Variants in ME3 observed in about 807,000 individuals in gnomAD.
ME3 encodes malic enzyme 3.
Under a neutral mutation model 68.9 loss-of-function variants are expected in ME3, and 48 were observed. That is an observed-to-expected ratio of 0.70 (90% CI 0.55 to 0.89). ME3 has a LOEUF of 0.89. ME3 is among the 40% of genes least tolerant of loss of function. ME3 has a pLI of 0.00. For missense variants in ME3, 675 were observed against 797.4 expected, an observed-to-expected ratio of 0.85 and a Z score of 1.85; for synonymous variants, 320 against 318.8, an observed-to-expected ratio of 1.00 and a Z score of -0.04.
intron 4 of ME3, among the ~76,000 whole-genome samples, chr11:86,536,059 A>G (rs183280488): frequency 1.3e-5 from 2 of 152,290 alleles, no homozygotes; most frequent in African/African-American, 2.4e-5. Context: ...AGATTCAGCT[A>G]TATCTCTATT....
intron 2 of ME3, among the ~76,000 whole-genome samples, chr11:86,614,426 A>G (rs561313164): frequency 6.6e-6 from 1 of 152,328 alleles, no homozygotes; most frequent in South Asian, 2.1e-4. Context: ...CAAAATACAC[A>G]GGATGGATTT....
chr11:86,449,892 G>A, exon 10 of ME3: 1 of 1,611,664 alleles, frequency 6.2e-7, no homozygotes, highest in Non-Finnish European at 8.5e-7. Flanking sequence ...ACAGTACCTT[G>A]ACAATGAGCC....
At chr11:86,521,373 C>T (rs548729055) in intron 4 of ME3, among the ~76,000 whole-genome samples, 98 of 148,792 alleles carry the variant, frequency 6.6e-4, no homozygotes, top group African/African-American at 2.4e-3. Context: ...CCAGCCTGGG[C>T]GACAGAGCGA....
intron 2 of ME3, among the ~76,000 whole-genome samples, chr11:86,586,375 G>A (rs1003492971): frequency 4.6e-5 from 7 of 152,210 alleles, no homozygotes; most frequent in Admixed American, 4.6e-4. Context: ...AGCTGACCCG[G>A]CAGCATCTCT....
chr11:86,513,650 A>G (rs1953692614), intron 4 of ME3, among the ~76,000 whole-genome samples: 2 of 152,130 alleles, frequency 1.3e-5, no homozygotes, highest in Admixed American at 1.3e-4. Flanking sequence ...GGGGTCCCTA[A>G]TAGTTTTCTT....
downstream of ME3, among the ~76,000 whole-genome samples, chr11:86,437,732 T>C (rs1206584830): frequency 6.6e-6 from 1 of 152,196 alleles, no homozygotes; most frequent in Non-Finnish European, 1.5e-5. Context: ...AATGAAATTG[T>C]TTTCTTAATT....
downstream of ME3, chr11:86,436,678 G>A (rs1431156170): frequency 6.6e-6 from 1 of 151,974 alleles, no homozygotes; most frequent in East Asian, 1.9e-4. Context: ...ATTTTTGTTT[G>A]GTTTGAGATG....
intron 4 of ME3, among the ~76,000 whole-genome samples, chr11:86,544,370 G>GT (rs1046970920): frequency 1.3e-5 from 2 of 152,128 alleles, no homozygotes; most frequent in African/African-American, 4.8e-5. Context: ...CCAGGAGCTG[G>GT]TTTTTTGAAA....
intron 4 of ME3, among the ~76,000 whole-genome samples, chr11:86,509,911 A>T (rs1470269249): frequency 6.6e-6 from 1 of 152,142 alleles, no homozygotes. Flanking sequence ...ATAAAAGAGA[A>T]TCCAGAGTCC....
At chr11:86,655,777 A>G (rs1945823899) in intron 2 of ME3, among the ~76,000 whole-genome samples, 1 of 151,578 alleles carries the variant, frequency 6.6e-6, no homozygotes, top group African/African-American at 2.4e-5. Context: ...GAGCTTCTGC[A>G]CAGCAAAAGA....
chr11:86,464,616 T>C (rs1036261979), intron 8 of ME3, among the ~76,000 whole-genome samples: 7 of 152,230 alleles, frequency 4.6e-5, no homozygotes, highest in East Asian at 1.9e-4. Context: ...AAGCAAGTTA[T>C]TATGGCTGGG....
At chr11:86,518,903 G>GA (rs1954073334) in intron 4 of ME3, among the ~76,000 whole-genome samples, 2 of 152,204 alleles carry the variant, frequency 1.3e-5, no homozygotes, top group African/African-American at 4.8e-5. Flanking sequence ...GATGCATCCA[G>GA]AGGCAAGGAA....
chr11:86,593,421 T>G (rs1473731399), intron 2 of ME3, among the ~76,000 whole-genome samples: 1 of 146,672 alleles, frequency 6.8e-6, no homozygotes, highest in African/African-American at 2.5e-5. Context: ...CCTACTTGGG[T>G]TGCATGTTTA....
At chr11:86,583,391 C>T (rs1958552169) in intron 2 of ME3, among the ~76,000 whole-genome samples, 1 of 152,122 alleles carries the variant, frequency 6.6e-6, no homozygotes, top group African/African-American at 2.4e-5. Flanking sequence ...AGTGATTTGT[C>T]ATTCAAACGA....
rs145486477 is a variant in ME3 at position 86,517,104 on chromosome 11, T to G, written c.468-8237A>C. 2.9e-4 allele frequency among the ~76,000 whole-genome samples: 44 copies of G among 152,286 alleles called. No homozygotes were observed. The East Asian group carries it at 7.7e-3, about 27-fold the overall frequency. Reference sequence around the variant, plus strand: ...TTCTTTCTGTCCTTCGTGGAAGCAATTCATTCTGTTCTGTAAATATATTCT... The same window carrying G: ...TTCTTTCTGTCCTTCGTGGAAGCAAGTCATTCTGTTCTGTAAATATATTCT... On this transcript the variant is annotated intron_variant, in intron 4 of 14. Transcript: ENST00000543262.
At chr11:86,447,039 G>A (rs566314300) in intron 12 of ME3, 26 bp downstream of exon 12, 44 of 1,609,610 alleles carry the variant, frequency 2.7e-5, no homozygotes, top group East Asian at 2.5e-4. Flanking sequence ...CCTCTCAGCC[G>A]GGGGAAGGAA....
chr11:86,454,046 A>T (rs1222032249), intron 8 of ME3, among the ~76,000 whole-genome samples: 1 of 152,246 alleles, frequency 6.6e-6, no homozygotes, highest in Non-Finnish European at 1.5e-5. Flanking sequence ...CAATAAAGTA[A>T]TCACAATCAG....
At chr11:86,558,209 G>A (rs926941839) in intron 3 of ME3, among the ~76,000 whole-genome samples, 2 of 152,160 alleles carry the variant, frequency 1.3e-5, no homozygotes, top group African/African-American at 4.8e-5. Context: ...GTAGGAAAGA[G>A]GATTTCACTT....
At chr11:86,577,579 C>T (rs1342124368) in intron 2 of ME3, among the ~76,000 whole-genome samples, 1 of 152,172 alleles carries the variant, frequency 6.6e-6, no homozygotes, top group Non-Finnish European at 1.5e-5. Flanking sequence ...GTGCCTCCTG[C>T]AGCATATTAA....
Sources: gnomAD v4.1 joint callset for allele counts (sites outside exome capture counted in the v4.1 genomes callset) on GRCh38, gnomAD v4.1.1 for gene constraint, MANE v1.5 for transcripts, NCBI Gene and HGNC (gene_info 2026-07-23, HGNC 2026-07-21) for gene names.